RFX3: variants seen among roughly 807,000 people sequenced by gnomAD.
The protein encoded by RFX3 is transcription factor RFX3.
Under a neutral mutation model 98.6 loss-of-function variants are expected in RFX3, and 14 were observed. The ratio of observed to expected loss-of-function variants is 0.14; its 90% CI spans 0.09 to 0.22. RFX3 has a LOEUF of 0.22. Among genes scored for constraint, RFX3 ranks in the 10% least tolerant of loss-of-function variants. The pLI is 1.00. For synonymous variants in RFX3, 383 were observed against 328.4 expected (o/e 1.17, Z -1.80); for missense variants, 639 against 926.9 (o/e 0.69, Z 4.03).
At chr9:3,414,144 C>G (rs979390903) in intron 1 of RFX3, among the ~76,000 whole-genome samples, 2 of 152,076 alleles carry the variant, frequency 1.3e-5, no homozygotes, top group African/African-American at 4.8e-5. Context: ...AGATCAAATA[C>G]TTTTCCTAAG....
intron 7 of RFX3, among the ~76,000 whole-genome samples, chr9:3,284,562 T>C (rs534389466): frequency 1.1e-4 from 17 of 151,822 alleles, no homozygotes; most frequent in African/African-American, 4.1e-4. Context: ...GCCATCAATA[T>C]GCAAAGCAGT....
intron 1 of RFX3, among the ~76,000 whole-genome samples, chr9:3,415,654 T>C (rs1372329869): frequency 1.3e-5 from 2 of 152,186 alleles, no homozygotes; most frequent in Admixed American, 1.3e-4. Flanking sequence ...TCTGTTCTTC[T>C]CTGTACACAG....
chr9:3,504,755 A>AGATATAT (rs1355577731), intron 1 of RFX3, among the ~76,000 whole-genome samples: 1 of 99,862 alleles, frequency 1.0e-5, no homozygotes, highest in Non-Finnish European at 1.7e-5. Flanking sequence ...ATTGTATATA[A>AGATATAT]AATATATGCT....
intron 1 of RFX3, among the ~76,000 whole-genome samples, chr9:3,413,867 A>C (rs1278834046): frequency 6.6e-6 from 1 of 152,090 alleles, no homozygotes; most frequent in Non-Finnish European, 1.5e-5. Flanking sequence ...GGAAAAGAAA[A>C]AAATTATACT....
chr9:3,331,441 T>C (rs1022422742), intron 3 of RFX3, among the ~76,000 whole-genome samples: 1 of 152,236 alleles, frequency 6.6e-6, no homozygotes, highest in Non-Finnish European at 1.5e-5. Context: ...AGTTATAATA[T>C]ATATAGAACA....
At chr9:3,347,491 T>G (rs1243757615) in intron 2 of RFX3, among the ~76,000 whole-genome samples, 2 of 152,014 alleles carry the variant, frequency 1.3e-5, no homozygotes, top group Non-Finnish European at 2.9e-5. Context: ...CAAGATAAAT[T>G]ATCTTTTCTG....
chr9:3,257,252 T>A lies in RFX3; in HGVS notation c.1606-53A>T, dbSNP rs899787283. 12 of 1,480,124 alleles carry A rather than the reference T, an allele frequency of 8.1e-6. No homozygotes were observed. The African/African-American group carries it at 1.7e-4, about 21-fold the overall frequency. The allele number at this position is 1,480,124 out of a possible 1,614,324, so 91.7% of individuals were successfully genotyped here. A position where few individuals can be genotyped will look rare whatever the true frequency, so the allele number is the denominator to read the frequency against. On this transcript the variant is annotated intron_variant, in intron 13 of 16. Coordinates refer to ENST00000617270, the MANE Select transcript of RFX3 (RefSeq NM_001282116.2). ...AAAAGTTCAATTCAGCATCCTTTCA[T>A]TGAATGCCAGCACACACACTAGATG...
chr9:3,443,733 G>A (rs1006453716), intron 1 of RFX3, among the ~76,000 whole-genome samples: 6 of 152,182 alleles, frequency 3.9e-5, no homozygotes, highest in Admixed American at 3.9e-4. Flanking sequence ...TAGTGGGGTT[G>A]CTGAGTCAAA....
intron 2 of RFX3, among the ~76,000 whole-genome samples, chr9:3,390,046 A>T (rs1409279113): frequency 6.6e-6 from 1 of 152,202 alleles, no homozygotes; most frequent in Non-Finnish European, 1.5e-5. Flanking sequence ...TACACGGTGA[A>T]ATTAGAAGCC....
chr9:3,256,537 A>G (rs1208115529), intron 14 of RFX3, among the ~76,000 whole-genome samples: 2 of 152,194 alleles, frequency 1.3e-5, no homozygotes, highest in African/African-American at 2.4e-5. Flanking sequence ...AAGAATTTGC[A>G]TTTCTAACAT....
intron 3 of RFX3, among the ~76,000 whole-genome samples, chr9:3,330,917 T>C (rs1326575680): frequency 2.0e-5 from 3 of 152,200 alleles, no homozygotes; most frequent in African/African-American, 7.2e-5. Context: ...ACTTAGCTCC[T>C]ACTTAGCTAA....
chr9:3,232,637 T>C (rs1818616846), intron 15 of RFX3, among the ~76,000 whole-genome samples: 1 of 152,178 alleles, frequency 6.6e-6, no homozygotes, highest in Admixed American at 6.5e-5. Flanking sequence ...CCAAAACAAC[T>C]TAGGAATTTG....
chr9:3,241,465 A>G (rs1819917732), intron 15 of RFX3, among the ~76,000 whole-genome samples: 1 of 152,178 alleles, frequency 6.6e-6, no homozygotes, highest in South Asian at 2.1e-4. Flanking sequence ...TAGGAAGCTA[A>G]TGAGCAGGGA....
chr9:3,519,934 CAA>C (rs554350157), intron 1 of RFX3, among the ~76,000 whole-genome samples: 2 of 116,098 alleles, frequency 1.7e-5, no homozygotes, highest in African/African-American at 3.1e-5. Context: ...CCTGTCTCTA[CAA>C]AAAAAAAAAA....
chr9:3,473,979 A>G (rs1848997139), intron 1 of RFX3, among the ~76,000 whole-genome samples: 1 of 152,214 alleles, frequency 6.6e-6, no homozygotes, highest in African/African-American at 2.4e-5. Flanking sequence ...AGCCAAGCAT[A>G]GAATACTGAG....
rs890771316 is a variant in RFX3, at chr9:3,399,253, G to A, written c.-8-3657C>T. Among the ~76,000 whole-genome samples the A allele has an allele frequency of 6.7e-5, 10 of 149,504 alleles. No individual in the cohort carries two copies. The South Asian group carries it at 1.1e-3, about 16-fold the overall frequency. ...AGTTCAAGACCACCCTGGACAATAC[G>A]GTGAAACCCTGTCTCTGCTTAAAAA... On this transcript the variant is annotated intron_variant, in intron 1 of 16. Transcript: ENST00000617270.
At chr9:3,511,953 T>C (rs1401227550) in intron 1 of RFX3, among the ~76,000 whole-genome samples, 2 of 152,072 alleles carry the variant, frequency 1.3e-5, no homozygotes, top group African/African-American at 2.4e-5. Context: ...AAAGTATAAT[T>C]AGAATGTGTG....
At chr9:3,247,588 T>C in intron 15 of RFX3, 1 of 1,255,134 alleles carries the variant, frequency 8.0e-7, no homozygotes, top group Non-Finnish European at 1.0e-6. Context: ...TTAGTTATCA[T>C]CATTACCATT....
At chr9:3,268,336 G>T (rs1449400685) in intron 11 of RFX3, among the ~76,000 whole-genome samples, 1 of 151,720 alleles carries the variant, frequency 6.6e-6, no homozygotes, top group Non-Finnish European at 1.5e-5. Context: ...TCTCTCTACA[G>T]GGATTCATGT....
Sources: gnomAD v4.1 joint callset for allele counts (sites outside exome capture counted in the v4.1 genomes callset) on GRCh38, gnomAD v4.1.1 for gene constraint, MANE v1.5 for transcripts, NCBI Gene and HGNC (gene_info 2026-07-23, HGNC 2026-07-21) for gene names.